The following MAP2 variants were observed in gnomAD, a reference collection of about 807,000 sequenced individuals.
MAP2 encodes the protein microtubule-associated protein 2.
A neutral mutation model predicts 137.6 loss-of-function variants in MAP2; 14 were observed. The observed-to-expected ratio is 0.10, with a 90% CI of 0.07 to 0.16. MAP2 has a LOEUF of 0.16. Among genes scored for constraint, MAP2 ranks in the 10% least tolerant of loss-of-function variants. The probability of loss-of-function intolerance (pLI) is 1.00; values close to 1 mark genes in which losing one functional copy is unlikely to be tolerated. For synonymous variants in MAP2, 786 were observed against 782.3 expected (o/e 1.00, Z -0.08); for missense variants, 2,088 against 2,191.5 (o/e 0.95, Z 0.94).
At chr2:209,486,034 C>T (rs1156404007) in intron 1 of MAP2, among the ~76,000 whole-genome samples, 2 of 152,158 alleles carry the variant, frequency 1.3e-5, no homozygotes, top group Non-Finnish European at 2.9e-5. Flanking sequence ...TCATAGCAGT[C>T]ATCATTCTCT....
intron 4 of MAP2, among the ~76,000 whole-genome samples, chr2:209,646,745 G>A (rs1019623612): frequency 6.6e-6 from 1 of 152,104 alleles, no homozygotes; most frequent in African/African-American, 2.4e-5. Context: ...ATGTTTTATA[G>A]TGAGCTGGAT....
At position 209,695,618 on chromosome 2, in the gene MAP2, G is replaced by T. The variant is rs1050102021; in HGVS notation, c.3448G>T (p.Gly1150Cys). ...LTMESLKADE[G>C]KKETSPESSL... ...CATGGAGTCCTTGAAAGCTGATGAG[G>T]GCAAGAAGGAAACATCTCCAGAATC... The change falls in exon 8 of 16, where the codon GGC becomes TGC. Residue 1150 changes from glycine to cysteine, a missense_variant. By Grantham distance (159) the Gly-to-Cys change is radical (BLOSUM62 -3). Transcript: ENST00000682079. 1 of 1,613,816 alleles carries T rather than the reference G, an allele frequency of 6.2e-7. No individual in the cohort carries two copies. Among genetic ancestry groups the T allele is most frequent in the Admixed American group, 1.7e-5 (1 of 59,976 alleles).
chr2:209,726,585 CCT>C (rs1391064156), intron 14 of MAP2, among the ~76,000 whole-genome samples: 1 of 152,026 alleles, frequency 6.6e-6, no homozygotes, highest in African/African-American at 2.4e-5. Context: ...TAGGGAAACC[CCT>C]GTCTCAATAA....
intron 13 of MAP2, chr2:209,710,532 G>T (rs924052336): frequency 1.9e-5 from 6 of 321,868 alleles, no homozygotes; most frequent in Non-Finnish European, 2.8e-5. Flanking sequence ...TATCTCTATT[G>T]CTTTGTGTTT....
At chr2:209,726,226 T>C (rs1559676596) in intron 14 of MAP2, among the ~76,000 whole-genome samples, 2 of 152,202 alleles carry the variant, frequency 1.3e-5, no homozygotes, top group African/African-American at 2.4e-5. Context: ...ATTTATCTGG[T>C]GAATTTCTCA....
chr2:209,703,811 G>A (rs865995807), intron 11 of MAP2, among the ~76,000 whole-genome samples: 6 of 152,030 alleles, frequency 3.9e-5, no homozygotes, highest in Middle Eastern at 3.4e-3. Context: ...GCAATTATCC[G>A]CTGGTTCTCT....
At chr2:209,571,295 C>T (rs2074355431) in intron 2 of MAP2, among the ~76,000 whole-genome samples, 1 of 151,928 alleles carries the variant, frequency 6.6e-6, no homozygotes. Flanking sequence ...GTGCCCTCTA[C>T]CCCATGTCAC....
chr2:209,475,828 G>A (rs985867932), intron 1 of MAP2, among the ~76,000 whole-genome samples: 1 of 151,982 alleles, frequency 6.6e-6, no homozygotes, highest in African/African-American at 2.4e-5. Flanking sequence ...ATATGAACAC[G>A]GTGGATCACA....
At chr2:209,550,622 G>A (rs2153282902) in intron 2 of MAP2, among the ~76,000 whole-genome samples, 1 of 152,208 alleles carries the variant, frequency 6.6e-6, no homozygotes, top group South Asian at 2.1e-4. Flanking sequence ...AGATATAGCT[G>A]AATGTGTAAA....
chr2:209,489,657 A>C (rs2058828306), intron 1 of MAP2, among the ~76,000 whole-genome samples: 1 of 152,228 alleles, frequency 6.6e-6, no homozygotes, highest in African/African-American at 2.4e-5. Flanking sequence ...CACAAGTATC[A>C]GTAGCCAAAT....
intron 2 of MAP2, among the ~76,000 whole-genome samples, chr2:209,557,302 C>G (rs988912224): frequency 6.6e-6 from 1 of 152,164 alleles, no homozygotes; most frequent in African/African-American, 2.4e-5. Context: ...AAACTTTAGT[C>G]CAGTATGTGA....
At chr2:209,628,447 C>T (rs367561017) in intron 4 of MAP2, among the ~76,000 whole-genome samples, 23 of 152,162 alleles carry the variant, frequency 1.5e-4, no homozygotes, top group African/African-American at 5.6e-4. Flanking sequence ...TAGATAATTA[C>T]AGTACCAAGC....
At chr2:209,706,452 A>G (rs1167099017) in intron 12 of MAP2, among the ~76,000 whole-genome samples, 1 of 152,062 alleles carries the variant, frequency 6.6e-6, no homozygotes, top group African/African-American at 2.4e-5. Flanking sequence ...TTAATTAGCA[A>G]GACTAATGAC....
chr2:209,489,471 A>C (rs936951556), intron 1 of MAP2, among the ~76,000 whole-genome samples: 3 of 152,190 alleles, frequency 2.0e-5, no homozygotes, highest in African/African-American at 7.2e-5. Context: ...AGGCTTCAGA[A>C]GGTGGGTAAT....
chr2:209,459,246 G>A (rs1395870682), intron 1 of MAP2, among the ~76,000 whole-genome samples: 1 of 152,038 alleles, frequency 6.6e-6, no homozygotes, highest in African/African-American at 2.4e-5. Context: ...TTTCTCATCT[G>A]TAAAATGGAG....
intron 1 of MAP2, among the ~76,000 whole-genome samples, chr2:209,470,215 A>G (rs1245513276): frequency 6.6e-6 from 1 of 152,228 alleles, no homozygotes; most frequent in Non-Finnish European, 1.5e-5. Context: ...GCTTTGGGCA[A>G]GGCAAATGCT....
chr2:209,690,928 G>T, intron 7 of MAP2: 1 of 1,148,360 alleles, frequency 8.7e-7, no homozygotes, highest in Middle Eastern at 2.5e-4. Context: ...CCTTTCCAAC[G>T]CTATTTCGCT....
At chr2:209,520,286 A>AAT (rs965928695) in intron 2 of MAP2, among the ~76,000 whole-genome samples, 6 of 152,086 alleles carry the variant, frequency 3.9e-5, no homozygotes, top group Non-Finnish European at 7.4e-5. Flanking sequence ...TTAATTTCTT[A>AAT]ATATATATAC....
chr2:209,545,343 T>G (rs2153275158), intron 2 of MAP2, among the ~76,000 whole-genome samples: 1 of 152,342 alleles, frequency 6.6e-6, no homozygotes, highest in East Asian at 1.9e-4. Flanking sequence ...CTACCTAGCC[T>G]GCACTATTGG....
Sources: gnomAD v4.1 joint callset for allele counts (sites outside exome capture counted in the v4.1 genomes callset) on GRCh38, gnomAD v4.1.1 for gene constraint, MANE v1.5 for transcripts, NCBI Gene and HGNC (gene_info 2026-07-23, HGNC 2026-07-21) for gene names.